Variants in CLCN4 observed in about 807,000 individuals in gnomAD.
CLCN4 encodes the protein Cl-/H+ antiporter 4.
CLCN4 carries 1 observed loss-of-function variant against 41.7 expected under a neutral mutation model. That is an observed-to-expected ratio of 0.02 (90% CI 0.01 to 0.11). The LOEUF (loss-of-function observed/expected upper bound fraction) is 0.11. Among genes scored for constraint, CLCN4 ranks in the 10% least tolerant of loss-of-function variants. The probability of loss-of-function intolerance (pLI) is 1.00; values close to 1 mark genes in which losing one functional copy is unlikely to be tolerated. For synonymous variants in CLCN4, 277 were observed against 285.8 expected (o/e 0.97, Z 0.31); for missense variants, 287 against 661.0 (o/e 0.43, Z 6.20).
At chrX:10,200,291 A>G (rs1369050979) in intron 6 of CLCN4, among the ~76,000 whole-genome samples, 1 of 112,222 alleles carries the variant, frequency 8.9e-6, no homozygotes, top group Admixed American at 9.4e-5. Context: ...CCAAAGTGCT[A>G]GGATTACAGG....
chrX:10,171,226 A>G (rs763217098), intron 2 of CLCN4, among the ~76,000 whole-genome samples: 10 of 112,323 alleles, frequency 8.9e-5, no homozygotes, highest in South Asian at 3.6e-4. Context: ...ACTTTGCCCA[A>G]CTAGTACAGC....
chrX:10,237,139 A>G lies in CLCN4; in HGVS notation c.*3555A>G, dbSNP rs1925272829. ...TGTAAACTGATAGATTTTGAGCCTA[A>G]TAAGTCACAGAAATGGAAAATTTTA... On this transcript the variant is annotated 3_prime_UTR_variant, in exon 13 of 13. Coordinates refer to ENST00000380833, the MANE Select transcript of CLCN4 (RefSeq NM_001830.4). The G allele has an allele frequency of 1.8e-5, 2 of 112,575 alleles. No homozygotes were observed. Among genetic ancestry groups the G allele is most frequent in the African/African-American group, 6.5e-5 (2 of 30,952 alleles). The allele number at this position is 112,575 out of a possible 1,213,427, so 9.3% of individuals were successfully genotyped here.
Position 10,220,725 on chromosome X carries a change from C to A in CLCN4, c.2040C>A (p.Pro680=). ...CCATCATGTACTTCACGGAGGAACC[C>A]CCCGAGCTGCCGGCCAACAGCCCAC... ...SNSIMYFTEE[P]PELPANSPHP... is the part of the protein sequence containing the mutation. Residue 680 remains proline (P), a synonymous_variant, in exon 12 of 13, where the codon CCC becomes CCA. Coordinates refer to ENST00000380833, the MANE Select transcript of CLCN4 (RefSeq NM_001830.4). The A allele has an allele frequency of 8.3e-7, 1 of 1,211,529 alleles. No individual in the cohort carries two copies. Among genetic ancestry groups the A allele is most frequent in the Non-Finnish European group, 1.1e-6 (1 of 895,402 alleles).
chrX:10,190,413 T>C (rs2147170047), intron 4 of CLCN4, among the ~76,000 whole-genome samples: 1 of 111,507 alleles, frequency 9.0e-6, no homozygotes, highest in African/African-American at 3.3e-5. Flanking sequence ...TTTTAAAAAG[T>C]TAAAAAATCA....
chrX:10,170,958 C>T (rs1923372691), intron 2 of CLCN4, among the ~76,000 whole-genome samples: 1 of 112,587 alleles, frequency 8.9e-6, no homozygotes. Context: ...GATCTCCGCT[C>T]ACTGCAACCT....
chrX:10,212,244 A>T (rs750992336), intron 9 of CLCN4, among the ~76,000 whole-genome samples: 2 of 112,142 alleles, frequency 1.8e-5, no homozygotes, highest in Admixed American at 1.9e-4. Context: ...AGGGAATCAA[A>T]GTATAAAATT....
chrX:10,176,062 T>C (rs1923526291), intron 2 of CLCN4, among the ~76,000 whole-genome samples: 2 of 111,358 alleles, frequency 1.8e-5, no homozygotes, highest in Admixed American at 9.5e-5. Flanking sequence ...TTTAGTTGCA[T>C]TGTTGGGTTT....
chrX:10,191,542 G>A lies in CLCN4; in HGVS notation c.245-3369G>A, dbSNP rs148271108. 5.5e-3 allele frequency among the ~76,000 whole-genome samples: 613 copies of A among 111,278 alleles called. 8 individuals are homozygous for A. Among genetic ancestry groups the A allele is most frequent in the African/African-American group, 0.019 (590 of 30,559 alleles). On this transcript the variant is annotated intron_variant, in intron 4 of 12. Transcript: ENST00000380833. ...GTGCATGGATGTTTTCATTTCTCTT[G>A]GGTATATGCCTAGGAATAGAATTGG...
At chrX:10,197,584 T>C (rs1924129732) in intron 5 of CLCN4, among the ~76,000 whole-genome samples, 1 of 111,385 alleles carries the variant, frequency 9.0e-6, no homozygotes, top group Non-Finnish European at 1.9e-5. Context: ...AAAACTAATC[T>C]GCCAGGGTCT....
chrX:10,160,167 GC>G (rs1372917107), intron 2 of CLCN4, among the ~76,000 whole-genome samples: 1 of 110,021 alleles, frequency 9.1e-6, no homozygotes, highest in Non-Finnish European at 1.9e-5. Flanking sequence ...GGGCTCCCTT[GC>G]CCCCTGTTGA....
chrX:10,170,505 G>C (rs5934791), intron 2 of CLCN4, among the ~76,000 whole-genome samples: 3,161 of 112,066 alleles, frequency 0.028, 55 homozygotes, highest in Middle Eastern at 0.061. Flanking sequence ...GAAATGAGTG[G>C]AAAATAGGAA....
intron 2 of CLCN4, among the ~76,000 whole-genome samples, chrX:10,159,276 G>A (rs1923035169): frequency 8.9e-6 from 1 of 112,220 alleles, no homozygotes; most frequent in Admixed American, 9.4e-5. Flanking sequence ...TTAGCAGAGA[G>A]TGGGGGTGGA....
intron 2 of CLCN4, among the ~76,000 whole-genome samples, chrX:10,182,656 C>G (rs1231980975): frequency 8.9e-6 from 1 of 112,352 alleles, no homozygotes. Context: ...GAACTCCTGA[C>G]CTCAGGTGAT....
intron 12 of CLCN4, among the ~76,000 whole-genome samples, chrX:10,224,293 CGTGTGTGT>C (rs772983564): frequency 3.4e-4 from 30 of 87,896 alleles, no homozygotes; most frequent in African/African-American, 7.7e-4. Context: ...GGGAGGGTTC[CGTGTGTGT>C]GTGTGTGTGT....
chrX:10,164,924 C>G (rs183015008), intron 2 of CLCN4, among the ~76,000 whole-genome samples: 97 of 112,616 alleles, frequency 8.6e-4, no homozygotes, highest in Non-Finnish European at 1.4e-3. Flanking sequence ...TCTGGCTACA[C>G]AGCTTGCTTG....
At chrX:10,158,049 CAT>C (rs919321177) in intron 1 of CLCN4, among the ~76,000 whole-genome samples, 2 of 112,458 alleles carry the variant, frequency 1.8e-5, no homozygotes, top group African/African-American at 6.5e-5. Flanking sequence ...CGGCTTGAAA[CAT>C]AGAAACTCTA....
In CLCN4 at chrX:10,236,799, T is replaced by C. The variant is rs1925265519; in HGVS notation, c.*3215T>C. On this transcript the variant is annotated 3_prime_UTR_variant, in exon 13 of 13. Transcript: ENST00000380833. ...CTTTCTGGATTCCTTCTGAATCGGG[T>C]TTTAACATAAAAAACCATCAACACA... 1 of 110,672 alleles carries C rather than the reference T, an allele frequency of 9.0e-6. No individual in the cohort carries two copies. The highest frequency in any genetic ancestry group is 3.3e-5 in the African/African-American group (1 of 30,351). The allele number at this position is 110,672 out of a possible 1,213,427, so 9.1% of individuals were successfully genotyped here.
chrX:10,223,389 G>A (rs1036643460), intron 12 of CLCN4, among the ~76,000 whole-genome samples: 1 of 110,643 alleles, frequency 9.0e-6, no homozygotes, highest in African/African-American at 3.3e-5. Flanking sequence ...TCTGGGTGCC[G>A]AAATTGGCTC....
chrX:10,205,616 TTTTTTTTTTG>T (rs1924366821), intron 6 of CLCN4, among the ~76,000 whole-genome samples: 1 of 105,156 alleles, frequency 9.5e-6, no homozygotes, highest in African/African-American at 3.5e-5. Context: ...CCTTTTTTTT[TTTTTTTTTTG>T]AAACAGGATC....
Sources: allele counts gnomAD v4.1 joint callset (sites outside exome capture counted in the v4.1 genomes callset), GRCh38; gene constraint gnomAD v4.1.1; transcripts MANE v1.5; gene names NCBI Gene and HGNC (gene_info 2026-07-23, HGNC 2026-07-21).